Variants in GRTP1 observed in about 807,000 individuals in gnomAD.
GRTP1 encodes the protein growth hormone-regulated TBC protein 1.
In GRTP1, 56 loss-of-function variants were observed where a neutral mutation model predicts 38.1. The ratio of observed to expected loss-of-function variants is 1.47; its 90% CI spans 1.19 to 1.84. GRTP1 has a LOEUF of 1.84. Ranked by LOEUF, GRTP1 falls within the 40% of genes most tolerant of loss-of-function variation. The probability of loss-of-function intolerance (pLI) is 0.00; values close to 1 mark genes in which losing one functional copy is unlikely to be tolerated. For synonymous variants in GRTP1, 217 were observed against 189.5 expected (o/e 1.14, Z -1.19); for missense variants, 506 against 453.9 (o/e 1.11, Z -1.04).
chr13:113,348,108 G>A lies in GRTP1; in HGVS notation c.465+2741C>T, dbSNP rs2043201777. ...GACAGTGCTACTGGACCTGGGAGAG[G>A]GCGACCATGTGGACAGTGTGGACAC... On this transcript the variant is annotated intron_variant, in intron 4 of 7. Coordinates refer to ENST00000375431, the MANE Select transcript of GRTP1 (RefSeq NM_024719.4). This position sits in a 1 kb window ranked among gnomAD's most constrained non-coding sequence, Gnocchi z 4.8. Among the ~76,000 whole-genome samples the A allele has an allele frequency of 1.3e-5, 2 of 152,304 alleles. No individual in the cohort carries two copies. The highest frequency in any genetic ancestry group is 2.9e-5 in the Non-Finnish European group (2 of 68,026).
At chr13:113,338,660 G>A (rs1015713298) in intron 5 of GRTP1, among the ~76,000 whole-genome samples, 4 of 152,090 alleles carry the variant, frequency 2.6e-5, no homozygotes, top group African/African-American at 7.2e-5. Flanking sequence ...ATACCCAGAC[G>A]GACTCGCACC....
Position 113,342,561 on chromosome 13 carries a change from T to G in GRTP1, c.562+2302A>C, listed in dbSNP as rs2043040659. Among the ~76,000 whole-genome samples, 1 of 152,114 alleles carries G rather than the reference T, an allele frequency of 6.6e-6. No individual in the cohort carries two copies. The highest frequency in any genetic ancestry group is 2.4e-5 in the African/African-American group (1 of 41,428). On this transcript the variant is annotated intron_variant, in intron 5 of 7. Transcript: ENST00000375431. The surrounding 1 kb of genome is among the most constrained non-coding windows in gnomAD (Gnocchi z 4.5). ...TCTGAAATGAGAATATATCTGTGTA[T>G]TTCTTGTATAACTTAAAAGCAGCAA...
At chr13:113,353,960 C>T (rs967001880) in intron 3 of GRTP1, among the ~76,000 whole-genome samples, 21 of 152,104 alleles carry the variant, frequency 1.4e-4, no homozygotes, top group South Asian at 2.1e-4. Context: ...CTTCCAGCTA[C>T]GCAGGAGGCT....
chr13:113,363,055 G>A (rs7335758), intron 2 of GRTP1, among the ~76,000 whole-genome samples: 32 of 152,350 alleles, frequency 2.1e-4, no homozygotes, highest in African/African-American at 7.7e-4. Flanking sequence ...GGGAAAGGCA[G>A]AAATGAGGAG....
At chr13:113,328,477 C>T (rs1033044573) in intron 5 of GRTP1, among the ~76,000 whole-genome samples, 1 of 152,212 alleles carries the variant, frequency 6.6e-6, no homozygotes, top group African/African-American at 2.4e-5. Context: ...GGCCAGTTCT[C>T]CACCCTGGTG....
intron 2 of GRTP1, among the ~76,000 whole-genome samples, chr13:113,363,170 G>A (rs2043529169): frequency 6.6e-6 from 1 of 152,220 alleles, no homozygotes; most frequent in African/African-American, 2.4e-5. Context: ...AGCAGTAGGA[G>A]GCCTGGGGTC....
At chr13:113,350,130 G>A (rs1457620793) in intron 4 of GRTP1, among the ~76,000 whole-genome samples, 1 of 152,010 alleles carries the variant, frequency 6.6e-6, no homozygotes, top group African/African-American at 2.4e-5. Context: ...GGCGAGCTCA[G>A]ACAGACTGGA....
Position 113,355,402 on chromosome 13 carries a change from C to G in GRTP1, c.261G>C (p.Gln87His), listed in dbSNP as rs1295246280. ...VWMVLSGAQA[Q>H]MDQNPGYYHQ... The stretch of plus-strand genomic sequence containing the variant: ...GGTAGTAGCCGGGATTCTGGTCCAT[C>G]TGCGCCTGGGCCCCACTCAGCACCA... Residue 87 changes from glutamine to histidine, a missense_variant, in exon 3 of 8, where the codon CAG becomes CAC. Physicochemically the swap from Gln to His is conservative, Grantham distance 24 (BLOSUM62 0). Coordinates refer to ENST00000375431, the MANE Select transcript of GRTP1 (RefSeq NM_024719.4). 7.4e-6 allele frequency: 12 copies of G among 1,614,026 alleles called. No individual in the cohort carries two copies. The highest frequency in any genetic ancestry group is 1.0e-5 in the Non-Finnish European group (12 of 1,180,022).
At chr13:113,326,112 A>T in intron 5 of GRTP1, 21 bp from the exon 6 acceptor site, 1 of 1,602,794 alleles carries the variant, frequency 6.2e-7, no homozygotes, top group South Asian at 1.1e-5. Flanking sequence ...ATGTGGAGAA[A>T]AGACCCCGAG....
chr13:113,352,357 ATT>A (rs373137038), intron 3 of GRTP1, among the ~76,000 whole-genome samples: 38,966 of 97,186 alleles, frequency 0.4, 6,935 homozygotes, highest in East Asian at 0.63. Context: ...ATTTATATAT[ATT>A]TTATATATAT....
chr13:113,363,470 G>T (rs939816240), intron 2 of GRTP1, among the ~76,000 whole-genome samples: 2 of 152,190 alleles, frequency 1.3e-5, no homozygotes, highest in African/African-American at 2.4e-5. Flanking sequence ...CTCCCAAAGC[G>T]CTGGGATTAC....
At chr13:113,335,530 T>C (rs930837584) in intron 5 of GRTP1, among the ~76,000 whole-genome samples, 9 of 152,202 alleles carry the variant, frequency 5.9e-5, no homozygotes, top group South Asian at 4.1e-4. Context: ...GAAATACATG[T>C]TACTGTTACC....
At chr13:113,354,716 C>G (rs1472547093) in intron 3 of GRTP1, among the ~76,000 whole-genome samples, 1 of 151,988 alleles carries the variant, frequency 6.6e-6, no homozygotes, top group East Asian at 1.9e-4. Context: ...TAGTAGAGAC[C>G]GGGTTTCACC....
At chr13:113,346,221 G>GCCGAGAGCAGACCCGGGAGGAC (rs2043123443) in intron 4 of GRTP1, among the ~76,000 whole-genome samples, 1 of 124,248 alleles carries the variant, frequency 8.0e-6, no homozygotes, top group Non-Finnish European at 1.7e-5. Flanking sequence ...GACCTCTGTG[G>GCCGAGAGCAGACCCGGGAGGAC]CTGAGAACAG....
At chr13:113,338,684 C>T (rs1295566101) in intron 5 of GRTP1, among the ~76,000 whole-genome samples, 2 of 152,174 alleles carry the variant, frequency 1.3e-5, no homozygotes, top group Non-Finnish European at 2.9e-5. Flanking sequence ...TGGTCACTGC[C>T]CCACGGCAGG....
In GRTP1 at chr13:113,329,448, A is replaced by G. The variant is rs567318569; in HGVS notation, c.563-3357T>C. On this transcript the variant is annotated intron_variant, in intron 5 of 7. Transcript: ENST00000375431. ...CAAAAATTAGCTGGGCGTGGTGGCCAGCACCTGTAATCCCAGCTACTCAGC... is the reference window on the plus strand; with the variant it reads ...CAAAAATTAGCTGGGCGTGGTGGCCGGCACCTGTAATCCCAGCTACTCAGC... 5.3e-5 allele frequency among the ~76,000 whole-genome samples: 8 copies of G among 151,184 alleles called. No individual in the cohort carries two copies. In the East Asian group the frequency reaches 5.8e-4, roughly 11 times the overall value.
rs1433605092 is a variant in GRTP1 at position 113,346,740 on chromosome 13, G to A, written c.466-1781C>T. ...GACCTCTGTGGCTGAGAGCGGACCC[G>A]GGAGGACCTCTGTGGCTGAGAGCGG... On this transcript the variant is annotated intron_variant, in intron 4 of 7. Transcript: ENST00000375431. 2.1e-3 allele frequency among the ~76,000 whole-genome samples: 2 copies of A among 956 alleles called. 1 individual carries two copies. Among genetic ancestry groups the A allele is most frequent in the African/African-American group, 8.9e-3 (2 of 224 alleles). The allele number at this position is 956 out of a possible 152,430, so 0.6% of individuals were successfully genotyped here. A position where few individuals can be genotyped will look rare whatever the true frequency, so the allele number is the denominator to read the frequency against.
chr13:113,335,368 A>G (rs2042940968), intron 5 of GRTP1, among the ~76,000 whole-genome samples: 1 of 151,542 alleles, frequency 6.6e-6, no homozygotes. Context: ...GGTTGCAGTG[A>G]GCCGAGATCA....
Position 113,364,085 on chromosome 13 carries a change from C to T in GRTP1, c.-34G>A. ...GGAGGCGCGCACCGAGCGAGGCCAGCGGGTCCCAAGTTCGCCTCCCGGCTC... is the reference window on the plus strand; with the variant it reads ...GGAGGCGCGCACCGAGCGAGGCCAGTGGGTCCCAAGTTCGCCTCCCGGCTC... On this transcript the variant is annotated 5_prime_UTR_variant, in exon 1 of 8. Transcript: ENST00000375431. 8.1e-7 allele frequency: 1 copy of T among 1,238,738 alleles called. No individual in the cohort carries two copies. 76.7% of individuals were successfully genotyped at this position (1,238,738 alleles called of 1,614,324 possible).
Sources: gnomAD v4.1 joint callset for allele counts (sites outside exome capture counted in the v4.1 genomes callset) on GRCh38, gnomAD v4.1.1 for gene constraint, Gnocchi (gnomAD v3.1) non-coding constraint, MANE v1.5 for transcripts, NCBI Gene and HGNC (gene_info 2026-07-23, HGNC 2026-07-21) for gene names.